The following GUCY1A2 variants were observed in gnomAD, a reference collection of about 807,000 sequenced individuals.
GUCY1A2 encodes the protein guanylate cyclase 1 soluble subunit alpha 2.
Under a neutral mutation model 63.5 loss-of-function variants are expected in GUCY1A2, and 27 were observed. That is an observed-to-expected ratio of 0.43 (90% confidence interval 0.31 to 0.59). The LOEUF is 0.59. GUCY1A2 is among the 20% of genes least tolerant of loss of function. GUCY1A2 has a pLI of 0.11. For synonymous variants in GUCY1A2, 364 were observed against 343.5 expected (o/e 1.06, Z -0.66); for missense variants, 768 against 913.3 (o/e 0.84, Z 2.05).
intron 6 of GUCY1A2, among the ~76,000 whole-genome samples, chr11:106,747,533 G>A (rs189865610): frequency 6.6e-6 from 1 of 152,326 alleles, no homozygotes. Context: ...GTGTTTATTA[G>A]AAACAGCTGT....
intron 4 of GUCY1A2, among the ~76,000 whole-genome samples, chr11:106,894,720 A>T (rs752659079): frequency 2.1e-4 from 32 of 152,180 alleles, no homozygotes; most frequent in Non-Finnish European, 1.9e-4. Flanking sequence ...TTGACTAAAT[A>T]AAAATAAGTA....
intron 3 of GUCY1A2, among the ~76,000 whole-genome samples, chr11:106,955,784 T>A (rs967521501): frequency 2.0e-5 from 3 of 152,080 alleles, no homozygotes; most frequent in Non-Finnish European, 4.4e-5. Flanking sequence ...TTGGGGTTGA[T>A]CTTCTTACAG....
chr11:106,694,802 T>C (rs1332431918), intron 7 of GUCY1A2, among the ~76,000 whole-genome samples: 1 of 152,210 alleles, frequency 6.6e-6, no homozygotes, highest in Admixed American at 6.5e-5. Flanking sequence ...GCCAGTTCTA[T>C]ATTTTATGGG....
intron 3 of GUCY1A2, among the ~76,000 whole-genome samples, chr11:106,945,378 A>T (rs765480763): frequency 1.0e-5 from 1 of 99,048 alleles, no homozygotes; most frequent in East Asian, 3.2e-4. Flanking sequence ...TAGAAAATGA[A>T]AAAAAACAAA....
chr11:106,857,080 T>G (rs1332679032), intron 4 of GUCY1A2, among the ~76,000 whole-genome samples: 1 of 152,244 alleles, frequency 6.6e-6, no homozygotes, highest in Non-Finnish European at 1.5e-5. Flanking sequence ...ATTAACTTCC[T>G]CATTTCTATA....
At chr11:106,862,221 A>G (rs1407744629) in intron 4 of GUCY1A2, among the ~76,000 whole-genome samples, 3 of 152,034 alleles carry the variant, frequency 2.0e-5, no homozygotes, top group African/African-American at 7.2e-5. Context: ...GTATTTAAAT[A>G]AAGTATCTAT....
At chr11:106,799,976 T>G (rs1864843142) in intron 5 of GUCY1A2, among the ~76,000 whole-genome samples, 1 of 151,978 alleles carries the variant, frequency 6.6e-6, no homozygotes, top group African/African-American at 2.4e-5. Context: ...GGGAGAAAAT[T>G]TTTGCAATTT....
chr11:106,681,244 CA>C lies in GUCY1A2; in HGVS notation c.*6304del, dbSNP rs1411868867. 4.5e-6 allele frequency: 1 copy of C among 220,046 alleles called. No homozygotes were observed. Among genetic ancestry groups the C allele is most frequent in the African/African-American group, 2.2e-5 (1 of 44,596 alleles). The allele number at this position is 220,046 out of a possible 1,614,324, so 13.6% of individuals were successfully genotyped here. Reference sequence around the variant, plus strand: ...ACTTACCAAAAACTTGTGTAGCTATCATTGAAAACAGTAATAATGAGCTCTT... The same window carrying C: ...ACTTACCAAAAACTTGTGTAGCTATCTTGAAAACAGTAATAATGAGCTCTT... On this transcript the variant is annotated 3_prime_UTR_variant, in exon 8 of 8. Transcript: ENST00000526355.
chr11:106,825,364 A>G (rs1858954734), intron 4 of GUCY1A2, among the ~76,000 whole-genome samples: 2 of 151,746 alleles, frequency 1.3e-5, no homozygotes, highest in African/African-American at 4.8e-5. Context: ...AGGGATGTCC[A>G]ATCTTTTGGC....
At chr11:106,988,516 A>G (rs1355582478) in intron 1 of GUCY1A2, among the ~76,000 whole-genome samples, 2 of 152,300 alleles carry the variant, frequency 1.3e-5, no homozygotes, top group East Asian at 3.9e-4. Flanking sequence ...AAAAGCACAT[A>G]TTTGTGAAAG....
chr11:106,914,393 G>A (rs982704448), intron 4 of GUCY1A2, among the ~76,000 whole-genome samples: 3 of 152,036 alleles, frequency 2.0e-5, no homozygotes, highest in Admixed American at 2.0e-4. Context: ...GAATTACTCT[G>A]ATGCCATCAA....
intron 6 of GUCY1A2, among the ~76,000 whole-genome samples, chr11:106,738,700 G>A (rs537350083): frequency 1.3e-5 from 2 of 152,106 alleles, no homozygotes; most frequent in African/African-American, 2.4e-5. Flanking sequence ...TTAGATGGTG[G>A]TAGATATGTG....
chr11:106,743,604 G>A (rs868581582), intron 6 of GUCY1A2, among the ~76,000 whole-genome samples: 3 of 152,108 alleles, frequency 2.0e-5, no homozygotes, highest in African/African-American at 7.2e-5. Context: ...TAGAGGGCGG[G>A]ATTGGGACCT....
At chr11:106,893,239 C>G (rs1217412348) in intron 4 of GUCY1A2, among the ~76,000 whole-genome samples, 1 of 152,030 alleles carries the variant, frequency 6.6e-6, no homozygotes, top group East Asian at 1.9e-4. Context: ...TTTGGCTAAG[C>G]CAGAAAGGAC....
chr11:106,993,765 A>G (rs945257842), intron 1 of GUCY1A2, among the ~76,000 whole-genome samples: 3 of 152,314 alleles, frequency 2.0e-5, no homozygotes, highest in Middle Eastern at 3.4e-3. Context: ...AAGTTTAAGC[A>G]CTCGTAAATA....
Position 106,683,568 on chromosome 11 carries a change from C to T in GUCY1A2, c.*3981G>A, listed in dbSNP as rs369643053. On this transcript the variant is annotated 3_prime_UTR_variant, in exon 8 of 8. Coordinates refer to ENST00000526355, the MANE Select transcript of GUCY1A2 (RefSeq NM_000855.3). ...CTTCCTATCCGCCTGAATGAGGCAC[C>T]AGCAACCCTTTCTGTAGCCATTCTG... 1 of 228,278 alleles carries T rather than the reference C, an allele frequency of 4.4e-6. No homozygotes were observed. Among genetic ancestry groups the T allele is most frequent in the Non-Finnish European group, 8.7e-6 (1 of 115,000 alleles). 14.1% of individuals were successfully genotyped at this position (228,278 alleles called of 1,614,324 possible). A position where few individuals can be genotyped will look rare whatever the true frequency, so the allele number is the denominator to read the frequency against.
intron 7 of GUCY1A2, among the ~76,000 whole-genome samples, chr11:106,697,466 T>C (rs1413674185): frequency 2.0e-5 from 3 of 152,178 alleles, no homozygotes; most frequent in African/African-American, 7.2e-5. Flanking sequence ...ATTTAAATAA[T>C]ACAATTCATG....
chr11:106,699,546 A>T (rs1862780746), intron 7 of GUCY1A2, among the ~76,000 whole-genome samples: 1 of 152,184 alleles, frequency 6.6e-6, no homozygotes, highest in Non-Finnish European at 1.5e-5. Context: ...AATTATCGAC[A>T]TGAATACCAG....
At chr11:106,953,554 T>TC (rs1413132228) in intron 3 of GUCY1A2, among the ~76,000 whole-genome samples, 5 of 152,232 alleles carry the variant, frequency 3.3e-5, no homozygotes, top group Non-Finnish European at 7.3e-5. Flanking sequence ...TAGGGAAGAC[T>TC]CCCTCCTTTT....
Sources: allele counts gnomAD v4.1 joint callset (sites outside exome capture counted in the v4.1 genomes callset), GRCh38; gene constraint gnomAD v4.1.1; transcripts MANE v1.5; gene names NCBI Gene and HGNC (gene_info 2026-07-23, HGNC 2026-07-21).